The following RNF130 variants were observed in gnomAD, a reference collection of about 807,000 sequenced individuals.
RNF130 encodes the protein E3 ubiquitin-protein ligase RNF130.
RNF130 carries 21 observed loss-of-function variants against 44.6 expected under a neutral mutation model. The observed-to-expected ratio is 0.47, with a 90% CI of 0.33 to 0.68. The LOEUF (loss-of-function observed/expected upper bound fraction) is 0.68, where lower values mean the gene tolerates loss of function less well. Among genes scored for constraint, RNF130 ranks in the 30% least tolerant of loss-of-function variants. The pLI, the probability that RNF130 is intolerant of heterozygous loss-of-function variation, is 0.02. For synonymous variants in RNF130, 214 were observed against 210.4 expected (o/e 1.02, Z -0.15); for missense variants, 479 against 560.6 (o/e 0.85, Z 1.47).
chr5:180,056,165 A>C (rs986548436), intron 1 of RNF130, among the ~76,000 whole-genome samples: 5 of 152,166 alleles, frequency 3.3e-5, no homozygotes, highest in African/African-American at 4.8e-5. Context: ...AAAAAACTAG[A>C]AAATATCATG....
chr5:179,968,205 G>A (rs1223121087), intron 6 of RNF130, among the ~76,000 whole-genome samples: 1 of 152,202 alleles, frequency 6.6e-6, no homozygotes, highest in Non-Finnish European at 1.5e-5. Context: ...TGAGGCAAGA[G>A]AATGGCATGA....
intron 8 of RNF130, among the ~76,000 whole-genome samples, chr5:179,962,991 C>T (rs1258360116): frequency 1.3e-5 from 2 of 152,240 alleles, no homozygotes; most frequent in Non-Finnish European, 2.9e-5. Flanking sequence ...CTGGAAACAG[C>T]GGGTCTTTCA....
At chr5:179,990,408 T>C (rs1019205576) in intron 3 of RNF130, among the ~76,000 whole-genome samples, 1 of 152,226 alleles carries the variant, frequency 6.6e-6, no homozygotes, top group Admixed American at 6.5e-5. Flanking sequence ...GCTATTGCTA[T>C]CTAGAGGGCG....
intron 7 of RNF130, among the ~76,000 whole-genome samples, chr5:179,943,860 TA>T (rs1156930666): frequency 3.3e-5 from 5 of 152,158 alleles, no homozygotes; most frequent in Admixed American, 3.3e-4. Context: ...AATGGCAACA[TA>T]AATGAGAAAA....
chr5:180,011,024 G>A (rs905996174), intron 3 of RNF130, among the ~76,000 whole-genome samples: 1 of 152,196 alleles, frequency 6.6e-6, no homozygotes, highest in Admixed American at 6.5e-5. Context: ...AGAAATGAGT[G>A]AAGGGGATAA....
chr5:179,972,044 G>A (rs183602918), intron 5 of RNF130, among the ~76,000 whole-genome samples: 1 of 152,178 alleles, frequency 6.6e-6, no homozygotes, highest in Admixed American at 6.5e-5. Context: ...TTTACTTAAG[G>A]GCTGGAAACC....
exon 8 of RNF130, chr5:179,917,043 T>C (rs549980385): frequency 6.6e-6 from 1 of 152,078 alleles, no homozygotes; most frequent in East Asian, 1.9e-4. Flanking sequence ...TACAAAAAAT[T>C]AGCTGGGCGT....
At chr5:180,006,524 T>C (rs540633414) in intron 3 of RNF130, among the ~76,000 whole-genome samples, 1 of 152,344 alleles carries the variant, frequency 6.6e-6, no homozygotes, top group Admixed American at 6.5e-5. Flanking sequence ...TATACACATG[T>C]TATGGCAAGA....
chr5:179,934,636 T>C (rs1322196076), intron 7 of RNF130, among the ~76,000 whole-genome samples: 1 of 150,994 alleles, frequency 6.6e-6, no homozygotes, highest in Non-Finnish European at 1.5e-5. Flanking sequence ...TGCGAACTTA[T>C]GGGTTCAAGT....
intron 7 of RNF130, 107 bp from the exon 8 acceptor site, chr5:179,963,671 A>C (rs1762379567): frequency 1.3e-6 from 1 of 799,130 alleles, no homozygotes. Context: ...CGGAGGTGTA[A>C]GCCAAGATTG....
rs1762747023 is a variant in RNF130 at position 179,977,757 on chromosome 5, C to A, written c.848+446G>T. 6.6e-6 allele frequency among the ~76,000 whole-genome samples: 1 copy of A among 152,152 alleles called. No homozygotes were observed. The highest frequency in any genetic ancestry group is 2.1e-4 in the South Asian group (1 of 4,828). ...GTCCCAGCTACTCGGGAGGCTGAGG[C>A]AGGAGAATGGCATGAACCCAGGAGG... On this transcript the variant is annotated intron_variant, in intron 5 of 8. Transcript: ENST00000521389. The surrounding 1 kb of genome is among the most constrained non-coding windows in gnomAD (Gnocchi z 4.1).
chr5:179,968,251 C>T (rs1269957387), intron 6 of RNF130, among the ~76,000 whole-genome samples: 1 of 152,020 alleles, frequency 6.6e-6, no homozygotes, highest in Non-Finnish European at 1.5e-5. Context: ...GCCGAGATCG[C>T]ACCACTGCAC....
At chr5:179,959,536 A>G (rs1762280446) in intron 8 of RNF130, among the ~76,000 whole-genome samples, 1 of 151,974 alleles carries the variant, frequency 6.6e-6, no homozygotes, top group South Asian at 2.1e-4. Context: ...ACTGAGGCAG[A>G]TAATTTCTTG....
chr5:180,061,501 AG>A (rs1374739076), intron 1 of RNF130, among the ~76,000 whole-genome samples: 1 of 152,202 alleles, frequency 6.6e-6, no homozygotes, highest in African/African-American at 2.4e-5. Flanking sequence ...TGGTGTGAGC[AG>A]GGCTGATTCC....
intron 2 of RNF130, among the ~76,000 whole-genome samples, chr5:180,039,665 T>C (rs1764359451): frequency 6.6e-6 from 1 of 152,226 alleles, no homozygotes; most frequent in South Asian, 2.1e-4. Flanking sequence ...AAAATAATTA[T>C]GTAAAAATTA....
intron 7 of RNF130, among the ~76,000 whole-genome samples, chr5:179,938,461 T>C (rs1055047891): frequency 6.6e-6 from 1 of 151,946 alleles, no homozygotes; most frequent in Non-Finnish European, 1.5e-5. Flanking sequence ...TTTGGGGTGA[T>C]GAAAACGTTT....
chr5:180,060,281 G>A lies in RNF130; in HGVS notation c.247+11175C>T, dbSNP rs753412230. On this transcript the variant is annotated intron_variant, in intron 1 of 8. Transcript: ENST00000521389. ...CTAGTTTTTGGTGATTTGTTACTGC[G>A]GCAATAAGAAACTAACACACCAAGG... Among the ~76,000 whole-genome samples the A allele has an allele frequency of 8.1e-4, 123 of 152,172 alleles. 1 individual carries two copies. Among genetic ancestry groups the A allele is most frequent in the Non-Finnish European group, 1.6e-3 (107 of 68,030 alleles).
At chr5:180,052,015 G>A (rs1295618413) in intron 1 of RNF130, among the ~76,000 whole-genome samples, 1 of 152,142 alleles carries the variant, frequency 6.6e-6, no homozygotes, top group Non-Finnish European at 1.5e-5. Context: ...AGGAATTACA[G>A]TACTGAGTAC....
chr5:180,052,654 A>G (rs1002034785), intron 1 of RNF130, among the ~76,000 whole-genome samples: 1 of 152,250 alleles, frequency 6.6e-6, no homozygotes, highest in Non-Finnish European at 1.5e-5. Context: ...ACAGGCCAGG[A>G]GCCATGCAGC....
Sources: gnomAD v4.1 joint callset for allele counts (sites outside exome capture counted in the v4.1 genomes callset) on GRCh38, gnomAD v4.1.1 for gene constraint, Gnocchi (gnomAD v3.1) non-coding constraint, MANE v1.5 for transcripts, NCBI Gene and HGNC (gene_info 2026-07-23, HGNC 2026-07-21) for gene names.